VSNL1: variants seen among roughly 807,000 people sequenced by gnomAD.
VSNL1 encodes the protein visinin like 1.
A neutral mutation model predicts 20.4 loss-of-function variants in VSNL1; 6 were observed. The ratio of observed to expected loss-of-function variants is 0.29; its 90% confidence interval spans 0.16 to 0.58. The LOEUF (loss-of-function observed/expected upper bound fraction) is 0.58, where lower values mean the gene tolerates loss of function less well. VSNL1 is among the 20% of genes least tolerant of loss of function. The probability of loss-of-function intolerance (pLI) is 0.90; values close to 1 mark genes in which losing one functional copy is unlikely to be tolerated. For synonymous variants in VSNL1, 93 were observed against 86.4 expected (o/e 1.08, Z -0.42); for missense variants, 100 against 234.5 (o/e 0.43, Z 3.75).
At chr2:17,652,935 G>C (rs1189543127) in intron 3 of VSNL1, among the ~76,000 whole-genome samples, 1 of 152,214 alleles carries the variant, frequency 6.6e-6, no homozygotes, top group Non-Finnish European at 1.5e-5. Context: ...TGCGGTCCAG[G>C]AAGGACTCTG....
At chr2:17,581,669 C>T (rs1664352128) in intron 1 of VSNL1, among the ~76,000 whole-genome samples, 1 of 152,148 alleles carries the variant, frequency 6.6e-6, no homozygotes, top group Admixed American at 6.5e-5. Flanking sequence ...TGCTGGTTTC[C>T]TAGAAAGAAG....
At chr2:17,565,834 A>G (rs985563706) in intron 1 of VSNL1, among the ~76,000 whole-genome samples, 34 of 152,176 alleles carry the variant, frequency 2.2e-4, no homozygotes, top group Admixed American at 1.8e-3. Flanking sequence ...GACCAGGTGG[A>G]CTTAATTGAA....
Position 17,649,272 on chromosome 2 carries a change from A to G in VSNL1, c.163-138A>G, listed in dbSNP as rs1204581779. 1.0e-5 allele frequency: 8 copies of G among 782,330 alleles called. No homozygotes were observed. The highest frequency in any genetic ancestry group is 1.7e-5 in the Non-Finnish European group (8 of 469,346). 48.5% of individuals were successfully genotyped at this position (782,330 alleles called of 1,614,324 possible). On this transcript the variant is annotated intron_variant, in intron 2 of 3. Coordinates refer to ENST00000295156, the MANE Select transcript of VSNL1 (RefSeq NM_003385.5). This position sits in a 1 kb window ranked among gnomAD's most constrained non-coding sequence, Gnocchi z 6.4. ...CCTAATGCCTGCCCTTGCCCTTGAC[A>G]GTCAGGCCAAACTGCTCTCCAATGG...
intron 2 of VSNL1, among the ~76,000 whole-genome samples, chr2:17,630,776 ATT>A (rs888002636): frequency 6.6e-6 from 1 of 151,654 alleles, no homozygotes; most frequent in Admixed American, 6.6e-5. Context: ...ACGGCATTTT[ATT>A]TTTTTTTAAT....
intron 2 of VSNL1, among the ~76,000 whole-genome samples, chr2:17,646,671 G>C (rs1666004574): frequency 6.6e-6 from 1 of 152,076 alleles, no homozygotes; most frequent in Non-Finnish European, 1.5e-5. Flanking sequence ...ATTATTTATA[G>C]ATTATTACTG....
chr2:17,632,037 C>CAT (rs2103412890), intron 2 of VSNL1, among the ~76,000 whole-genome samples: 3 of 151,532 alleles, frequency 2.0e-5, no homozygotes, highest in African/African-American at 4.8e-5. Context: ...CAGGCCCATG[C>CAT]CACCATGCCT....
chr2:17,558,883 C>T (rs1200686247), intron 1 of VSNL1, among the ~76,000 whole-genome samples: 1 of 152,042 alleles, frequency 6.6e-6, no homozygotes, highest in African/African-American at 2.4e-5. Context: ...TTAAATTCAG[C>T]TTAAAATGAT....
At chr2:17,584,209 A>G (rs776806596) in intron 1 of VSNL1, among the ~76,000 whole-genome samples, 1 of 151,980 alleles carries the variant, frequency 6.6e-6, no homozygotes, top group Non-Finnish European at 1.5e-5. Context: ...TGAAAATAAA[A>G]GAGACATCAG....
chr2:17,603,966 C>T (rs552647595), intron 2 of VSNL1, among the ~76,000 whole-genome samples: 9 of 152,276 alleles, frequency 5.9e-5, no homozygotes, highest in Admixed American at 6.5e-5. Flanking sequence ...CTTGTGTGTA[C>T]AGTACTAGAC....
intron 1 of VSNL1, among the ~76,000 whole-genome samples, chr2:17,578,642 G>A (rs1423618013): frequency 6.6e-6 from 1 of 152,222 alleles, no homozygotes; most frequent in Non-Finnish European, 1.5e-5. Context: ...ACGGCTGGGA[G>A]GGAGGCAGGT....
chr2:17,644,458 G>T (rs1290318646), intron 2 of VSNL1, among the ~76,000 whole-genome samples: 1 of 152,192 alleles, frequency 6.6e-6, no homozygotes, highest in Middle Eastern at 3.2e-3. Context: ...CCCTTAGGGA[G>T]CCTCTGAGAT....
rs566835689 is a variant in VSNL1 at position 17,569,498 on chromosome 2, C to T, written c.-5-22572C>T. On this transcript the variant is annotated intron_variant, in intron 1 of 3. Coordinates refer to ENST00000295156, the MANE Select transcript of VSNL1 (RefSeq NM_003385.5). ...TTCTCTCCTACTCTCTGTCTTATCTCGCTTTGGAGCTATTAATAGCTTCTC... is the reference window on the plus strand; with the variant it reads ...TTCTCTCCTACTCTCTGTCTTATCTTGCTTTGGAGCTATTAATAGCTTCTC... Among the ~76,000 whole-genome samples the T allele has an allele frequency of 7.9e-5, 12 of 152,002 alleles. No homozygotes were observed. The East Asian group carries it at 1.7e-3, about 22-fold the overall frequency.
chr2:17,643,381 G>A (rs1481281176), intron 2 of VSNL1, among the ~76,000 whole-genome samples: 3 of 152,134 alleles, frequency 2.0e-5, no homozygotes, highest in Non-Finnish European at 4.4e-5. Flanking sequence ...GTAGTAATGC[G>A]AATGGGCTTG....
At chr2:17,573,326 A>AGGCAT (rs1176897968) in intron 1 of VSNL1, among the ~76,000 whole-genome samples, 1 of 152,212 alleles carries the variant, frequency 6.6e-6, no homozygotes, top group Non-Finnish European at 1.5e-5. Flanking sequence ...CTTTCTCTTC[A>AGGCAT]GGCATCAGTA....
At chr2:17,590,980 TTTA>T (rs571458317) in intron 1 of VSNL1, among the ~76,000 whole-genome samples, 2 of 152,132 alleles carry the variant, frequency 1.3e-5, no homozygotes, top group Non-Finnish European at 2.9e-5. Context: ...TGTTAATTCT[TTTA>T]TTATTATTAT....
chr2:17,591,897 T>C (rs954416083), intron 1 of VSNL1, among the ~76,000 whole-genome samples, 173 bp from the exon 2 acceptor site: 1 of 151,828 alleles, frequency 6.6e-6, no homozygotes, highest in Non-Finnish European at 1.5e-5. Flanking sequence ...TCTATTTCAC[T>C]CATATATTTT....
At chr2:17,545,369 A>G (rs1663383953) in intron 1 of VSNL1, among the ~76,000 whole-genome samples, 2 of 152,154 alleles carry the variant, frequency 1.3e-5, no homozygotes, top group African/African-American at 2.4e-5. Flanking sequence ...TTATATTAAT[A>G]CCTCTAAGAG....
intron 2 of VSNL1, among the ~76,000 whole-genome samples, chr2:17,644,557 G>C (rs1665953739): frequency 6.6e-6 from 1 of 152,258 alleles, no homozygotes; most frequent in Admixed American, 6.5e-5. Context: ...GGAGACTGCA[G>C]TTGGTGCTGG....
chr2:17,573,821 G>T (rs1194830737), intron 1 of VSNL1, among the ~76,000 whole-genome samples: 1 of 152,204 alleles, frequency 6.6e-6, no homozygotes, highest in Non-Finnish European at 1.5e-5. Context: ...ATCTGCCACA[G>T]ATATTTTCTA....
Sources: allele counts gnomAD v4.1 joint callset (sites outside exome capture counted in the v4.1 genomes callset), GRCh38; gene constraint gnomAD v4.1.1; non-coding constraint Gnocchi (gnomAD v3.1); transcripts MANE v1.5; gene names NCBI Gene and HGNC (gene_info 2026-07-23, HGNC 2026-07-21).